WDR91: variants seen among roughly 807,000 people sequenced by gnomAD.
WDR91 encodes WD repeat-containing protein 91.
A neutral mutation model predicts 88.4 loss-of-function variants in WDR91; 52 were observed. That is an observed-to-expected ratio of 0.59 (90% CI 0.47 to 0.74). The LOEUF (loss-of-function observed/expected upper bound fraction) is 0.74. Among genes scored for constraint, WDR91 ranks in the 30% least tolerant of loss-of-function variants. WDR91 has a pLI of 0.00. For missense variants in WDR91, 824 were observed against 954.5 expected, an observed-to-expected ratio of 0.86 and a Z score of 1.80; for synonymous variants, 362 against 389.5, an observed-to-expected ratio of 0.93 and a Z score of 0.83.
intron 2 of WDR91, among the ~76,000 whole-genome samples, chr7:135,209,242 A>G (rs1388532882): frequency 1.3e-5 from 2 of 152,226 alleles, no homozygotes; most frequent in Non-Finnish European, 2.9e-5. Context: ...CTGATGTTCA[A>G]ATAACTAAGT....
At chr7:135,208,354 C>T (rs1267463775) in intron 3 of WDR91, among the ~76,000 whole-genome samples, 1 of 152,178 alleles carries the variant, frequency 6.6e-6, no homozygotes, top group African/African-American at 2.4e-5. Flanking sequence ...AGACAATAAC[C>T]CAAACACTAA....
intron 9 of WDR91, 26 bp from the exon 10 acceptor site, chr7:135,193,698 G>A: frequency 1.2e-6 from 2 of 1,604,872 alleles, no homozygotes; most frequent in African/African-American, 1.3e-5. Context: ...GCGGGAGGTG[G>A]GAAGGATAGC....
chr7:135,194,602 G>T (rs537929937), intron 9 of WDR91, among the ~76,000 whole-genome samples: 1 of 152,170 alleles, frequency 6.6e-6, no homozygotes, highest in Non-Finnish European at 1.5e-5. Context: ...GGCCTGGCAC[G>T]GGAGGGCGCC....
chr7:135,188,269 C>T (rs1372714302), intron 13 of WDR91, 164 bp downstream of exon 13: 16 of 577,194 alleles, frequency 2.8e-5, no homozygotes, highest in East Asian at 6.0e-5. Context: ...ACTAAAACCT[C>T]GCAAAGATTG....
rs1465555406 is a variant in WDR91 at position 135,193,352 on chromosome 7, G to C, written c.1538C>G (p.Ser513Trp). The C allele has an allele frequency of 6.2e-7, 1 of 1,614,196 alleles. No homozygotes were observed. Among genetic ancestry groups the C allele is most frequent in the South Asian group, 1.1e-5 (1 of 91,076 alleles). ...GGAAGTGAGGCTCGGAGCTGCTGCC[G>C]AACAGACGAAAGAGGCCCCGTTGGG... ...CSPNGASFVCSAAAPSLTSQV... is the reference protein window; with the variant it reads ...CSPNGASFVCWAAAPSLTSQV... Residue 513 changes from serine (S) to tryptophan (W), a missense_variant, in exon 11 of 15, where the codon TCG (serine) becomes TGG (tryptophan). Coordinates refer to ENST00000354475, the MANE Select transcript of WDR91 (RefSeq NM_014149.4).
At chr7:135,201,292 C>T (rs573045557) in intron 6 of WDR91, among the ~76,000 whole-genome samples, 15 of 151,492 alleles carry the variant, frequency 9.9e-5, no homozygotes, top group East Asian at 5.8e-4. Flanking sequence ...TGTGCCCTCC[C>T]GGCTATTGTA....
At chr7:135,209,286 T>C (rs992808908) in intron 2 of WDR91, among the ~76,000 whole-genome samples, 31 of 152,220 alleles carry the variant, frequency 2.0e-4, no homozygotes, top group African/African-American at 7.5e-4. Context: ...TCATCTTTAT[T>C]ACTCAAACTT....
intron 13 of WDR91, among the ~76,000 whole-genome samples, 174 bp downstream of exon 13, chr7:135,188,259 A>G (rs1450497647): frequency 6.6e-6 from 1 of 152,196 alleles, no homozygotes; most frequent in Non-Finnish European, 1.5e-5. Flanking sequence ...CACTGAATTC[A>G]CTAAAACCTC....
chr7:135,194,155 T>A (rs1831276332), intron 9 of WDR91, among the ~76,000 whole-genome samples: 1 of 152,200 alleles, frequency 6.6e-6, no homozygotes, highest in Non-Finnish European at 1.5e-5. Flanking sequence ...TAAAAGGGGC[T>A]ATCCTTGCCT....
In WDR91 at chr7:135,193,310, G is replaced by A. The variant is rs201630438; in HGVS notation, c.1580C>T (p.Ala527Val). 3 of 1,614,216 alleles carry A rather than the reference G, an allele frequency of 1.9e-6. No homozygotes were observed. Among genetic ancestry groups the A allele is most frequent in the East Asian group, 2.2e-5 (1 of 44,880 alleles). ...PSLTSQVDFSAPDIGSKGMNQ... is the reference protein window; with the variant it reads ...PSLTSQVDFSVPDIGSKGMNQ... Reference sequence around the variant, plus strand: ...CATGCCCTTGCTGCCGATGTCTGGTGCTGAGAAGTCCACCTGGGAAGTGAG... The same window carrying A: ...CATGCCCTTGCTGCCGATGTCTGGTACTGAGAAGTCCACCTGGGAAGTGAG... Residue 527 changes from alanine (A) to valine (V), a missense_variant, in exon 11 of 15, where the codon GCA becomes GTA. Transcript: ENST00000354475.
At chr7:135,202,145 A>G (rs927458068) in intron 6 of WDR91, 6 of 152,272 alleles carry the variant, frequency 3.9e-5, no homozygotes, top group Non-Finnish European at 8.8e-5. Context: ...GCTTTCTAAC[A>G]TGCATATGTT....
Position 135,189,457 on chromosome 7 carries a change from T to C in WDR91, c.1660-5A>G. ...TGGATCCAGGGAGAACTGGAGCTAT[T>C]GAAATAAAACAAAAATGTCAGTAGC... On this transcript the variant is annotated splice_region_variant and splice_polypyrimidine_tract_variant and intron_variant, in intron 11 of 14. Coordinates refer to ENST00000354475, the MANE Select transcript of WDR91 (RefSeq NM_014149.4). 6.2e-7 allele frequency: 1 copy of C among 1,612,758 alleles called. No individual in the cohort carries two copies. The highest frequency in any genetic ancestry group is 2.2e-5 in the East Asian group (1 of 44,856).
intron 3 of WDR91, 169 bp from the exon 4 acceptor site, chr7:135,207,371 T>A: frequency 1.6e-6 from 1 of 629,404 alleles, no homozygotes; most frequent in Non-Finnish European, 3.0e-6. Flanking sequence ...TACAGTCTTG[T>A]CTCTAAGACT....
chr7:135,200,116 T>C (rs1007832460), intron 6 of WDR91: 1 of 152,230 alleles, frequency 6.6e-6, no homozygotes, highest in African/African-American at 2.4e-5. Context: ...AAATCTATGT[T>C]AATCACTGAA....
In WDR91 at chr7:135,194,880, G is replaced by T. The variant is rs1339991341; in HGVS notation, c.1395+54C>A. 7 of 1,602,402 alleles carry T rather than the reference G, an allele frequency of 4.4e-6. No homozygotes were observed. In the African/African-American group the frequency reaches 9.4e-5, roughly 21 times the overall value. On this transcript the variant is annotated intron_variant, in intron 9 of 14. Coordinates refer to ENST00000354475, the MANE Select transcript of WDR91 (RefSeq NM_014149.4). ...TTGACTCAGCCGGTGGAGAACCCTG[G>T]GGAATTCCTCCACTGAGCCAGCAAA...
At position 135,189,431 on chromosome 7, in the gene WDR91, C is replaced by G; in HGVS notation, c.1681G>C (p.Glu561Gln). 1 of 1,613,916 alleles carries G rather than the reference C, an allele frequency of 6.2e-7. No individual in the cohort carries two copies. Among genetic ancestry groups the G allele is most frequent in the Middle Eastern group, 1.7e-4 (1 of 6,056 alleles). Reference sequence around the variant, plus strand: ...GCTGTACAGTTGATAGCAATGGGTTCTGGATCCAGGGAGAACTGGAGCTAT... The same window carrying G: ...GCTGTACAGTTGATAGCAATGGGTTGTGGATCCAGGGAGAACTGGAGCTAT... ...KQQLQFSLDP[E>Q]PIAINCTAFN... The change falls in exon 12 of 15, where the codon GAA (glutamate) becomes CAA (glutamine). Residue 561 changes from glutamate to glutamine, a missense_variant. Physicochemically the swap from Glu to Gln is conservative, Grantham distance 29. Coordinates refer to ENST00000354475, the MANE Select transcript of WDR91 (RefSeq NM_014149.4).
intron 3 of WDR91, 109 bp downstream of exon 3, chr7:135,208,682 C>A: frequency 9.9e-7 from 1 of 1,014,050 alleles, no homozygotes. Context: ...AAAAATGGTC[C>A]CTGGGCATTT....
rs1396826876 is a variant in WDR91 at position 135,196,321 on chromosome 7, G to A, written c.1067C>T (p.Pro356Leu). Residue 356 changes from proline to leucine, a missense_variant, in exon 8 of 15, where the codon CCA becomes CTA. Physicochemically the swap from Pro to Leu is moderately conservative, Grantham distance 98. Transcript: ENST00000354475. This position sits in a 1 kb window ranked among gnomAD's most constrained non-coding sequence, Gnocchi z 4.2. The stretch of plus-strand genomic sequence containing the variant: ...CTCAGCCTCTGGGCCACTGGCTTCT[G>A]GTTTCTTCTCTGCACACTGTCACAA... ...TTTSQCAEKK[P>L]EASGPEAEPC... 3 of 1,572,130 alleles carry A rather than the reference G, an allele frequency of 1.9e-6. No individual in the cohort carries two copies.
intron 11 of WDR91, among the ~76,000 whole-genome samples, chr7:135,189,817 T>C (rs188318502): frequency 2.0e-5 from 3 of 152,342 alleles, no homozygotes; most frequent in Admixed American, 6.5e-5. Context: ...TCAACTGCCT[T>C]TGATGACAGA....
Sources: allele counts gnomAD v4.1 joint callset (sites outside exome capture counted in the v4.1 genomes callset), GRCh38; gene constraint gnomAD v4.1.1; non-coding constraint Gnocchi (gnomAD v3.1); transcripts MANE v1.5; gene names NCBI Gene and HGNC (gene_info 2026-07-23, HGNC 2026-07-21).